The following CDC34 variants were observed in gnomAD, a reference collection of about 807,000 sequenced individuals.
The protein encoded by CDC34 is ubiquitin-conjugating enzyme E2 R1.
A neutral mutation model predicts 26.8 loss-of-function variants in CDC34; 18 were observed. That is an observed-to-expected ratio of 0.67 (90% CI 0.47 to 1.00). The LOEUF is 1.00. CDC34 is among the 50% of genes least tolerant of loss of function. CDC34 has a pLI of 0.00. For synonymous variants in CDC34, 178 were observed against 147.5 expected (o/e 1.21, Z -1.50); for missense variants, 280 against 334.5 (o/e 0.84, Z 1.27).
chr19:537,274 CA>C, intron 4 of CDC34, 127 bp downstream of exon 4: 4 of 1,077,008 alleles, frequency 3.7e-6, no homozygotes, highest in Non-Finnish European at 4.0e-6. Flanking sequence ...TGCCCATTTA[CA>C]GGGTGCCAGT....
intron 1 of CDC34, among the ~76,000 whole-genome samples, chr19:535,002 C>T (rs561339443): frequency 1.3e-5 from 2 of 152,238 alleles, no homozygotes; most frequent in African/African-American, 4.8e-5. Context: ...ACCCAGACAA[C>T]CTCTGTGTCT....
At chr19:532,482 C>T (rs1979540382) in intron 1 of CDC34, among the ~76,000 whole-genome samples, 1 of 152,326 alleles carries the variant, frequency 6.6e-6, no homozygotes, top group Admixed American at 6.5e-5. Flanking sequence ...CCTCCCCCTC[C>T]GCCCCTGCGA....
chr19:541,304 C>T (rs941020775), intron 4 of CDC34, 35 bp from the exon 5 acceptor site: 14 of 1,502,058 alleles, frequency 9.3e-6, no homozygotes, highest in Admixed American at 2.1e-5. Context: ...AGTCCAGGCA[C>T]GTGGGTGGCG....
At chr19:539,817 C>T (rs10853980) in intron 4 of CDC34, among the ~76,000 whole-genome samples, 54,692 of 151,924 alleles carry the variant, frequency 0.36, 12,018 homozygotes, top group East Asian at 0.56. Context: ...ACATTCTTGA[C>T]GCGTGTCCTG....
chr19:532,621 G>C (rs1301641094), intron 1 of CDC34, among the ~76,000 whole-genome samples: 1 of 152,252 alleles, frequency 6.6e-6, no homozygotes, highest in Non-Finnish European at 1.5e-5. Flanking sequence ...GTGAGCGGGG[G>C]AGCGAGGCCA....
At position 537,127 on chromosome 19, in the gene CDC34, G is replaced by A. The variant is rs1979792681; in HGVS notation, c.477G>A (p.Arg159=). Residue 159 remains arginine, a synonymous_variant, in exon 4 of 5, where the codon CGG becomes CGA. Coordinates refer to ENST00000215574, the MANE Select transcript of CDC34 (RefSeq NM_004359.2). The part of the protein sequence containing the change: ...RKWKESKGKD[R]EYTDIIRKQV... Reference sequence around the variant, plus strand: ...GGAAAGAGAGCAAGGGGAAGGATCGGGAGTACACAGACATCATCCGGTGAG... The same window carrying A: ...GGAAAGAGAGCAAGGGGAAGGATCGAGAGTACACAGACATCATCCGGTGAG... 2.5e-6 allele frequency: 4 copies of A among 1,613,504 alleles called. No homozygotes were observed. The highest frequency in any genetic ancestry group is 2.2e-5 in the East Asian group (1 of 44,890).
intron 4 of CDC34, among the ~76,000 whole-genome samples, chr19:537,590 G>T (rs1490335698): frequency 2.0e-5 from 3 of 148,432 alleles, no homozygotes; most frequent in African/African-American, 7.4e-5. Context: ...CTGACCTCGT[G>T]ATCCATCTGC....
Sources: allele counts gnomAD v4.1 joint callset (sites outside exome capture counted in the v4.1 genomes callset), GRCh38; gene constraint gnomAD v4.1.1; transcripts MANE v1.5; gene names NCBI Gene and HGNC (gene_info 2026-07-23, HGNC 2026-07-21).